DLGAP1: variants seen among roughly 807,000 people sequenced by gnomAD.
DLGAP1 encodes the protein DLG associated protein 1.
A neutral mutation model predicts 90.8 loss-of-function variants in DLGAP1; 11 were observed. The observed-to-expected ratio is 0.12, with a 90% CI of 0.08 to 0.20. The LOEUF is 0.20. Ranked by LOEUF, DLGAP1 falls within the 10% of genes least tolerant of loss-of-function variation. DLGAP1 has a pLI of 1.00. For missense variants in DLGAP1, 1,050 were observed against 1,333.8 expected (o/e 0.79, Z 3.31); for synonymous variants, 558 against 540.7 (o/e 1.03, Z -0.44).
intron 1 of DLGAP1, among the ~76,000 whole-genome samples, chr18:4,281,297 T>A (rs1165795361): frequency 6.6e-6 from 1 of 152,168 alleles, no homozygotes; most frequent in Non-Finnish European, 1.5e-5. Flanking sequence ...ATGCCTGTAA[T>A]CCTAACACTT....
At chr18:4,096,872 A>G (rs2075689449) in intron 2 of DLGAP1, among the ~76,000 whole-genome samples, 1 of 152,216 alleles carries the variant, frequency 6.6e-6, no homozygotes, top group Non-Finnish European at 1.5e-5. Context: ...TAACTATAAA[A>G]CTGAGCTAAC....
intron 3 of DLGAP1, among the ~76,000 whole-genome samples, chr18:3,943,117 T>C (rs2072804425): frequency 6.6e-6 from 1 of 152,214 alleles, no homozygotes; most frequent in Non-Finnish European, 1.5e-5. Flanking sequence ...ATTTCACATG[T>C]CTTTTCTGGT....
In DLGAP1 at chr18:4,084,925, TAAATCA is replaced by T. The variant is rs1257114282; in HGVS notation, c.-159+66249_-159+66254del. Among the ~76,000 whole-genome samples the T allele has an allele frequency of 6.7e-6, 1 of 149,822 alleles. No individual in the cohort carries two copies. The highest frequency in any genetic ancestry group is 2.5e-5 in the African/African-American group (1 of 40,454). ...AAGTTTTGTTGTTTATGATTGACTC[TAAATCA>T]AAGAGAGCATGCTGCAAGGAGCAGG... On this transcript the variant is annotated intron_variant, in intron 2 of 12. Transcript: ENST00000315677. This position sits in a 1 kb window ranked among gnomAD's most constrained non-coding sequence, Gnocchi z 4.0.
At chr18:3,782,201 A>G (rs1476894115) in intron 5 of DLGAP1, among the ~76,000 whole-genome samples, 1 of 151,742 alleles carries the variant, frequency 6.6e-6, no homozygotes, top group Non-Finnish European at 1.5e-5. Flanking sequence ...CAGTGGTGCA[A>G]TCTCGGCTCA....
chr18:3,583,164 ACCTACCTACCTACCTACCTACCTT>A (rs1192035330), intron 7 of DLGAP1, among the ~76,000 whole-genome samples: 2 of 127,240 alleles, frequency 1.6e-5, no homozygotes, highest in Non-Finnish European at 1.7e-5. Context: ...CTACCTACCT[ACCTACCTACCTACCTACCTACCTT>A]CCTTCCTTCC....
At chr18:4,393,851 T>G (rs901340394) in intron 1 of DLGAP1, among the ~76,000 whole-genome samples, 2 of 152,180 alleles carry the variant, frequency 1.3e-5, no homozygotes, top group Non-Finnish European at 2.9e-5. Context: ...GCGTTCAACC[T>G]AGATCCCTCG....
intron 7 of DLGAP1, among the ~76,000 whole-genome samples, chr18:3,723,521 T>C (rs1297084368): frequency 6.6e-6 from 1 of 152,168 alleles, no homozygotes; most frequent in Non-Finnish European, 1.5e-5. Context: ...CAATTACAAA[T>C]TATTATCTTA....
At chr18:4,161,791 G>A (rs1006110497) in intron 1 of DLGAP1, among the ~76,000 whole-genome samples, 9 of 152,186 alleles carry the variant, frequency 5.9e-5, no homozygotes, top group African/African-American at 1.7e-4. Flanking sequence ...TAATCATGAA[G>A]CAGAGAATTA....
chr18:4,399,059 T>C (rs186903261), intron 1 of DLGAP1, among the ~76,000 whole-genome samples: 36 of 152,292 alleles, frequency 2.4e-4, no homozygotes, highest in Non-Finnish European at 1.9e-4. Context: ...CACGATCTCC[T>C]GACCTTGTGA....
At chr18:3,848,972 G>A (rs553685969) in intron 4 of DLGAP1, among the ~76,000 whole-genome samples, 1 of 152,302 alleles carries the variant, frequency 6.6e-6, no homozygotes, top group African/African-American at 2.4e-5. Context: ...CTGGGGCCCT[G>A]TGACATGGTC....
intron 8 of DLGAP1, among the ~76,000 whole-genome samples, chr18:3,568,921 C>T (rs12953696): frequency 0.38 from 57,885 of 151,392 alleles, 13,472 homozygotes; most frequent in East Asian, 0.7. Context: ...CTCCTGACCT[C>T]GTGATCCGCC....
chr18:3,576,039 G>T (rs541375528), intron 8 of DLGAP1, among the ~76,000 whole-genome samples: 1 of 152,210 alleles, frequency 6.6e-6, no homozygotes, highest in South Asian at 2.1e-4. Flanking sequence ...TTGGTGATTT[G>T]CTTACTGTCT....
At chr18:3,812,065 A>G (rs1035976148) in intron 5 of DLGAP1, among the ~76,000 whole-genome samples, 1 of 152,238 alleles carries the variant, frequency 6.6e-6, no homozygotes, top group Non-Finnish European at 1.5e-5. Flanking sequence ...CGGGATACTT[A>G]GGAGGTGGAA....
chr18:4,320,622 C>G (rs1428432779), intron 1 of DLGAP1, among the ~76,000 whole-genome samples: 2 of 152,016 alleles, frequency 1.3e-5, no homozygotes, highest in East Asian at 3.9e-4. Flanking sequence ...ATCAAAAGCT[C>G]TGATTTTAAT....
chr18:3,823,778 T>A (rs1916817164), intron 4 of DLGAP1, among the ~76,000 whole-genome samples: 1 of 151,670 alleles, frequency 6.6e-6, no homozygotes, highest in Non-Finnish European at 1.5e-5. Flanking sequence ...GGTAAAACCC[T>A]GTCTATACTA....
chr18:3,881,918 G>GAACAAACA (rs34857331), intron 3 of DLGAP1, among the ~76,000 whole-genome samples: 2 of 152,032 alleles, frequency 1.3e-5, no homozygotes, highest in African/African-American at 4.8e-5. Context: ...GTCTGTCTCA[G>GAACAAACA]AACAAACAAA....
chr18:4,051,355 G>C (rs565217460), intron 2 of DLGAP1, among the ~76,000 whole-genome samples: 1 of 152,294 alleles, frequency 6.6e-6, no homozygotes, highest in South Asian at 2.1e-4. Context: ...GGCTGGGGAG[G>C]TCACAGGGAA....
At chr18:4,259,757 C>T (rs1010836202) in intron 1 of DLGAP1, among the ~76,000 whole-genome samples, 1 of 152,044 alleles carries the variant, frequency 6.6e-6, no homozygotes, top group African/African-American at 2.4e-5. Flanking sequence ...ATATAAAGAA[C>T]AAAAATAAAA....
intron 7 of DLGAP1, among the ~76,000 whole-genome samples, chr18:3,652,389 G>A (rs1041618881): frequency 2.6e-5 from 4 of 152,058 alleles, no homozygotes; most frequent in South Asian, 2.1e-4. Context: ...GTGCAGTGGC[G>A]CAGTCATAGC....
Sources: gnomAD v4.1 joint callset for allele counts (sites outside exome capture counted in the v4.1 genomes callset) on GRCh38, gnomAD v4.1.1 for gene constraint, Gnocchi (gnomAD v3.1) non-coding constraint, MANE v1.5 for transcripts, NCBI Gene and HGNC (gene_info 2026-07-23, HGNC 2026-07-21) for gene names.